The following KIAA0232 variants were observed in gnomAD, a reference collection of about 807,000 sequenced individuals.
KIAA0232 encodes uncharacterized protein KIAA0232.
KIAA0232 carries 27 observed loss-of-function variants against 122.0 expected under a neutral mutation model. That is an observed-to-expected ratio of 0.22 (90% CI 0.16 to 0.31). The LOEUF (loss-of-function observed/expected upper bound fraction) is 0.31, where lower values mean the gene tolerates loss of function less well. KIAA0232 is among the 10% of genes least tolerant of loss of function. The probability of loss-of-function intolerance (pLI) is 1.00; values close to 1 mark genes in which losing one functional copy is unlikely to be tolerated. For synonymous variants in KIAA0232, 613 were observed against 587.6 expected (o/e 1.04, Z -0.63); for missense variants, 1,551 against 1,634.2 (o/e 0.95, Z 0.88).
chr4:6,865,080 A>G (rs952151836), intron 7 of KIAA0232, among the ~76,000 whole-genome samples: 6 of 152,192 alleles, frequency 3.9e-5, no homozygotes, highest in Non-Finnish European at 8.8e-5. Flanking sequence ...TGTTAAGGCT[A>G]TGGAATGAGG....
In KIAA0232 at chr4:6,882,048, C is replaced by G. The variant is rs1722097386; in HGVS notation, c.*1082C>G. 6.6e-6 allele frequency: 1 copy of G among 152,584 alleles called. No individual in the cohort carries two copies. The highest frequency in any genetic ancestry group is 2.1e-4 in the South Asian group (1 of 4,828). 9.5% of individuals were successfully genotyped at this position (152,584 alleles called of 1,614,324 possible). A position where few individuals can be genotyped will look rare whatever the true frequency, so the allele number is the denominator to read the frequency against. On this transcript the variant is annotated 3_prime_UTR_variant, in exon 10 of 10. Coordinates refer to ENST00000307659, the MANE Select transcript of KIAA0232 (RefSeq NM_014743.3). ...CATCCCTGTGTGGTGGTTTTGCTGACTGTCGCTCCGTGGGACTGGCTCCCG... is the reference window on the plus strand; with the variant it reads ...CATCCCTGTGTGGTGGTTTTGCTGAGTGTCGCTCCGTGGGACTGGCTCCCG...
At chr4:6,847,155 CATTATGTGTGTGGCT>C (rs1023183120) in intron 4 of KIAA0232, among the ~76,000 whole-genome samples, 5 of 149,486 alleles carry the variant, frequency 3.3e-5, no homozygotes, top group Non-Finnish European at 7.5e-5. Flanking sequence ...ATTATTTTCT[CATTATGTGTGTGGCT>C]ATTATGTGTG....
intron 8 of KIAA0232, among the ~76,000 whole-genome samples, chr4:6,874,865 C>CAT (rs10678161): frequency 1.4e-4 from 6 of 42,106 alleles, no homozygotes; most frequent in Non-Finnish European, 4.3e-4. Flanking sequence ...AGTTCAGCAT[C>CAT]ACCTTTTCCA....
intron 4 of KIAA0232, among the ~76,000 whole-genome samples, chr4:6,846,891 A>T (rs1336311518): frequency 6.6e-6 from 1 of 152,094 alleles, no homozygotes; most frequent in Non-Finnish European, 1.5e-5. Flanking sequence ...CCTGAGGATG[A>T]TCGTGTTTGT....
intron 3 of KIAA0232, among the ~76,000 whole-genome samples, chr4:6,837,998 A>G (rs1333284877): frequency 6.6e-6 from 1 of 151,932 alleles, no homozygotes; most frequent in East Asian, 1.9e-4. Flanking sequence ...TTCTTTGTAG[A>G]TTCTGGATAT....
chr4:6,842,016 G>T, intron 3 of KIAA0232, 51 bp from the exon 4 acceptor site: 1 of 1,604,420 alleles, frequency 6.2e-7, no homozygotes, highest in Non-Finnish European at 8.5e-7. Context: ...GTGGAACATA[G>T]TAGTGTCCAA....
chr4:6,797,884 C>G (rs901556123), intron 1 of KIAA0232, among the ~76,000 whole-genome samples: 1 of 151,752 alleles, frequency 6.6e-6, no homozygotes, highest in East Asian at 1.9e-4. Context: ...ACGGTGAAAC[C>G]CCATCTCTAC....
At chr4:6,853,959 CAG>C (rs755432543) in intron 4 of KIAA0232, among the ~76,000 whole-genome samples, 8 of 152,106 alleles carry the variant, frequency 5.3e-5, no homozygotes, top group Non-Finnish European at 8.8e-5. Flanking sequence ...CAGCCAGGAG[CAG>C]AGAGTGTAGC....
chr4:6,869,558 C>A (rs978562595), intron 7 of KIAA0232, among the ~76,000 whole-genome samples: 2 of 152,176 alleles, frequency 1.3e-5, no homozygotes, highest in African/African-American at 2.4e-5. Flanking sequence ...CTGTCCATTC[C>A]CCTGGCCCTA....
chr4:6,814,003 G>T (rs1717999471), intron 2 of KIAA0232, among the ~76,000 whole-genome samples: 1 of 152,050 alleles, frequency 6.6e-6, no homozygotes, highest in East Asian at 1.9e-4. Flanking sequence ...AGCCTTTAGG[G>T]GATAATTTTC....
chr4:6,819,157 C>A (rs1028201073), intron 2 of KIAA0232, among the ~76,000 whole-genome samples: 5 of 152,022 alleles, frequency 3.3e-5, no homozygotes, highest in African/African-American at 1.2e-4. Flanking sequence ...ACCATTCTGG[C>A]CTTAGGAAAG....
At chr4:6,805,104 G>A (rs571815067) in intron 2 of KIAA0232, among the ~76,000 whole-genome samples, 21 of 152,276 alleles carry the variant, frequency 1.4e-4, no homozygotes, top group Non-Finnish European at 2.9e-4. Context: ...ATCACCCAGA[G>A]TATACTTTGG....
chr4:6,867,162 G>A (rs1721228847), intron 7 of KIAA0232, among the ~76,000 whole-genome samples: 2 of 152,100 alleles, frequency 1.3e-5, no homozygotes, highest in Admixed American at 6.5e-5. Flanking sequence ...TACCTAGTCA[G>A]TTCTTTATGT....
Position 6,792,370 on chromosome 4 carries a change from T to C in KIAA0232, c.-354+9529T>C, listed in dbSNP as rs1019762851. ...TAGTGAACTTTCATGAGTAACCACC[T>C]TACTCTCAGCAGCCTTAAAAAAATT... On this transcript the variant is annotated intron_variant, in intron 1 of 9. Transcript: ENST00000307659. Among the ~76,000 whole-genome samples, 15 of 152,198 alleles carry C rather than the reference T, an allele frequency of 9.9e-5. 1 individual carries two copies.
At position 6,861,183 on chromosome 4, in the gene KIAA0232, G is replaced by T; in HGVS notation, c.801G>T (p.Lys267Asn). ...NKFSNGTIEE[K>N]PALYKKQIRH... ...TTAGTAATGGCACAATTGAAGAAAA[G>T]CCTGCTTTGTACAAAAAGCAAATCC... The change falls in exon 7 of 10, where the codon AAG becomes AAT. Residue 267 changes from lysine to asparagine, a missense_variant. By Grantham distance (94) the Lys-to-Asn change is moderately conservative. Coordinates refer to ENST00000307659, the MANE Select transcript of KIAA0232 (RefSeq NM_014743.3). 6.2e-7 allele frequency: 1 copy of T among 1,614,142 alleles called. No individual in the cohort carries two copies.
At chr4:6,811,216 A>G (rs775956043) in intron 2 of KIAA0232, among the ~76,000 whole-genome samples, 1 of 152,220 alleles carries the variant, frequency 6.6e-6, no homozygotes, top group African/African-American at 2.4e-5. Flanking sequence ...CTGAGTGTCC[A>G]TCAGTGAATA....
In KIAA0232 at chr4:6,796,765, C is replaced by A. The variant is rs113364968; in HGVS notation, c.-353-7758C>A. On this transcript the variant is annotated intron_variant, in intron 1 of 9. Transcript: ENST00000307659. ...GTAAAACTACCATAAGAATATCTTA[C>A]CTTCCTTTTGCTCTTTCTGAGCTCG... is the stretch of plus-strand genomic sequence containing the variant. Among the ~76,000 whole-genome samples, 832 of 152,328 alleles carry A rather than the reference C, an allele frequency of 5.5e-3. 2 individuals carry two copies. Among genetic ancestry groups the A allele is most frequent in the African/African-American group, 0.019 (779 of 41,578 alleles).
chr4:6,879,888 T>TCCC (rs1231077933), intron 9 of KIAA0232, among the ~76,000 whole-genome samples: 2 of 22,118 alleles, frequency 9.0e-5, no homozygotes, highest in Non-Finnish European at 1.5e-4. Context: ...GTCTGCAGTG[T>TCCC]CCCCTCACCA....
intron 2 of KIAA0232, among the ~76,000 whole-genome samples, chr4:6,814,968 T>G (rs1041732579): frequency 6.6e-6 from 1 of 152,242 alleles, no homozygotes; most frequent in Admixed American, 6.5e-5. Context: ...TTTGGGCTAA[T>G]TTTGCATAAG....
Sources: gnomAD v4.1 joint callset for allele counts (sites outside exome capture counted in the v4.1 genomes callset) on GRCh38, gnomAD v4.1.1 for gene constraint, MANE v1.5 for transcripts, NCBI Gene and HGNC (gene_info 2026-07-23, HGNC 2026-07-21) for gene names.